The following CPNE8 variants were observed in gnomAD, a reference collection of about 807,000 sequenced individuals.
CPNE8 encodes the protein copine 8.
A neutral mutation model predicts 81.5 loss-of-function variants in CPNE8; 45 were observed. The observed-to-expected ratio is 0.55, with a 90% CI of 0.44 to 0.71. The LOEUF (loss-of-function observed/expected upper bound fraction) is 0.71, where lower values mean the gene tolerates loss of function less well. Ranked by LOEUF, CPNE8 falls within the 30% of genes least tolerant of loss-of-function variation. CPNE8 has a pLI of 0.00. For synonymous variants in CPNE8, 252 were observed against 226.3 expected (o/e 1.11, Z -1.02); for missense variants, 594 against 672.1 (o/e 0.88, Z 1.28).
chr12:38,741,313 G>T (rs1394373534), intron 10 of CPNE8, among the ~76,000 whole-genome samples: 1 of 152,110 alleles, frequency 6.6e-6, no homozygotes, highest in Non-Finnish European at 1.5e-5. Context: ...AAAACAGCAT[G>T]GTATTGGTAC....
At chr12:38,848,788 A>G in intron 3 of CPNE8, 126 bp from the exon 4 acceptor site, 1 of 1,246,626 alleles carries the variant, frequency 8.0e-7, no homozygotes, top group Non-Finnish European at 1.1e-6. Context: ...GAAATTTTTT[A>G]GCGATAAAAT....
intron 13 of CPNE8, among the ~76,000 whole-genome samples, chr12:38,706,522 A>G (rs1014150835): frequency 1.3e-5 from 2 of 152,150 alleles, no homozygotes; most frequent in African/African-American, 4.8e-5. Flanking sequence ...TTTTCCTTCT[A>G]TCAAATATGT....
chr12:38,866,252 T>A (rs187301459), intron 3 of CPNE8, among the ~76,000 whole-genome samples: 32 of 152,330 alleles, frequency 2.1e-4, no homozygotes, highest in Non-Finnish European at 4.1e-4. Context: ...TCACAGGAAG[T>A]CTTTATACAT....
intron 19 of CPNE8, among the ~76,000 whole-genome samples, chr12:38,660,440 C>T (rs1938927202): frequency 2.0e-5 from 3 of 152,190 alleles, no homozygotes; most frequent in African/African-American, 7.2e-5. Context: ...GGATCCTTTT[C>T]TTACACCTTA....
chr12:38,747,591 T>A (rs1324242451), intron 10 of CPNE8, among the ~76,000 whole-genome samples: 1 of 152,182 alleles, frequency 6.6e-6, no homozygotes. Context: ...TCCATGTATA[T>A]ATTTTAAGAA....
At chr12:38,705,603 T>C (rs778506155) in intron 13 of CPNE8, among the ~76,000 whole-genome samples, 9 of 152,186 alleles carry the variant, frequency 5.9e-5, no homozygotes, top group Non-Finnish European at 8.8e-5. Context: ...GTAAGACTTC[T>C]GGGAGAACAT....
intron 6 of CPNE8, among the ~76,000 whole-genome samples, chr12:38,798,380 G>T (rs866083615): frequency 9.2e-5 from 14 of 152,182 alleles, no homozygotes; most frequent in African/African-American, 3.4e-4. Context: ...CCAGAAGACA[G>T]TGGGGGCCAA....
chr12:38,655,277 T>A (rs527738303), intron 19 of CPNE8, among the ~76,000 whole-genome samples: 3 of 152,158 alleles, frequency 2.0e-5, no homozygotes, highest in Non-Finnish European at 4.4e-5. Context: ...CTGTAATAGA[T>A]TGCCTGATTC....
chr12:38,787,358 G>T (rs1942217568), intron 6 of CPNE8, among the ~76,000 whole-genome samples: 1 of 151,572 alleles, frequency 6.6e-6, no homozygotes. Flanking sequence ...GAAATGAATG[G>T]TGGGTCAGAA....
chr12:38,904,678 A>G (rs1026130973), intron 1 of CPNE8, among the ~76,000 whole-genome samples: 2 of 152,074 alleles, frequency 1.3e-5, no homozygotes, highest in Non-Finnish European at 2.9e-5. Flanking sequence ...CATATTGGCC[A>G]GGCTGGTCTC....
intron 3 of CPNE8, among the ~76,000 whole-genome samples, chr12:38,857,302 G>T (rs1379516993): frequency 6.6e-6 from 1 of 151,950 alleles, no homozygotes; most frequent in African/African-American, 2.4e-5. Context: ...TAATATAATT[G>T]GCAGTACATG....
chr12:38,764,345 C>T (rs1270690060), intron 8 of CPNE8, among the ~76,000 whole-genome samples: 1 of 152,020 alleles, frequency 6.6e-6, no homozygotes, highest in East Asian at 1.9e-4. Context: ...AGGCCGGGCG[C>T]AGTAGCTCAC....
chr12:38,796,863 G>A (rs144005889), intron 6 of CPNE8, among the ~76,000 whole-genome samples: 1,990 of 152,218 alleles, frequency 0.013, 49 homozygotes, highest in African/African-American at 0.044. Flanking sequence ...CTTTTCCGAC[G>A]GGCTTAAAAA....
chr12:38,855,995 A>G (rs1943726744), intron 3 of CPNE8, among the ~76,000 whole-genome samples: 1 of 152,036 alleles, frequency 6.6e-6, no homozygotes, highest in Non-Finnish European at 1.5e-5. Context: ...CACAAATAAA[A>G]TAATAAATGA....
chr12:38,808,570 A>G (rs1295774461), intron 6 of CPNE8, among the ~76,000 whole-genome samples: 2 of 135,616 alleles, frequency 1.5e-5, no homozygotes, highest in African/African-American at 5.6e-5. Context: ...ACATGGACAC[A>G]AGAAGGGGAA....
chr12:38,702,943 C>A, intron 13 of CPNE8, 22 bp from the exon 14 acceptor site: 1 of 1,508,202 alleles, frequency 6.6e-7, no homozygotes. Context: ...GTAAACAAGA[C>A]TCATTAATAA....
chr12:38,887,377 C>T (rs1005286207), intron 1 of CPNE8, among the ~76,000 whole-genome samples: 1 of 152,120 alleles, frequency 6.6e-6, no homozygotes, highest in Non-Finnish European at 1.5e-5. Flanking sequence ...TTCCATCTTA[C>T]GTAAGTCATT....
intron 6 of CPNE8, among the ~76,000 whole-genome samples, chr12:38,782,286 G>A (rs1043385152): frequency 6.6e-6 from 1 of 152,088 alleles, no homozygotes; most frequent in African/African-American, 2.4e-5. Flanking sequence ...CGTTAAAAGA[G>A]ACTAGAATTA....
At chr12:38,792,587 A>G (rs1362293040) in intron 6 of CPNE8, among the ~76,000 whole-genome samples, 1 of 151,758 alleles carries the variant, frequency 6.6e-6, no homozygotes, top group Non-Finnish European at 1.5e-5. Flanking sequence ...TCAATAATCA[A>G]AAAACCTCAC....
Sources: allele counts gnomAD v4.1 joint callset (sites outside exome capture counted in the v4.1 genomes callset), GRCh38; gene constraint gnomAD v4.1.1; transcripts MANE v1.5; gene names NCBI Gene and HGNC (gene_info 2026-07-23, HGNC 2026-07-21).